Variants in CDH4 observed in about 807,000 individuals in gnomAD.
CDH4 encodes cadherin-4.
In CDH4, 33 loss-of-function variants were observed where a neutral mutation model predicts 86.0. That is an observed-to-expected ratio of 0.38 (90% CI 0.29 to 0.51). The LOEUF (loss-of-function observed/expected upper bound fraction) is 0.51. Ranked by LOEUF, CDH4 falls within the 20% of genes least tolerant of loss-of-function variation. The probability of loss-of-function intolerance (pLI) is 0.86; values close to 1 mark genes in which losing one functional copy is unlikely to be tolerated. For synonymous variants in CDH4, 555 were observed against 549.4 expected (o/e 1.01, Z -0.14); for missense variants, 1,114 against 1,307.4 (o/e 0.85, Z 2.28).
At chr20:61,330,828 T>C (rs1432118090) in intron 2 of CDH4, among the ~76,000 whole-genome samples, 1 of 152,198 alleles carries the variant, frequency 6.6e-6, no homozygotes, top group East Asian at 1.9e-4. Flanking sequence ...CTGCCTGGTT[T>C]CCTGCTCTGT....
intron 2 of CDH4, among the ~76,000 whole-genome samples, chr20:61,286,990 T>C (rs1239433998): frequency 6.6e-6 from 1 of 152,212 alleles, no homozygotes; most frequent in Non-Finnish European, 1.5e-5. Context: ...ATTTAATTTG[T>C]GGGACAGGTG....
intron 4 of CDH4, among the ~76,000 whole-genome samples, chr20:61,830,732 G>A (rs1001789213): frequency 4.6e-5 from 7 of 152,218 alleles, no homozygotes; most frequent in Admixed American, 3.3e-4. Flanking sequence ...CCTGCAGAGC[G>A]GCAGGAGCGG....
intron 9 of CDH4, among the ~76,000 whole-genome samples, chr20:61,915,833 C>T (rs1408304333): frequency 6.6e-6 from 1 of 152,180 alleles, no homozygotes; most frequent in East Asian, 1.9e-4. Context: ...TGCTTCCGTA[C>T]ACTTGTTAAC....
At chr20:61,407,482 G>A (rs1052239815) in intron 2 of CDH4, among the ~76,000 whole-genome samples, 2 of 152,142 alleles carry the variant, frequency 1.3e-5, no homozygotes, top group Admixed American at 6.5e-5. Context: ...AATCATTGTG[G>A]GTGAATACGT....
intron 2 of CDH4, among the ~76,000 whole-genome samples, chr20:61,346,730 C>T (rs994631094): frequency 2.4e-4 from 32 of 131,552 alleles, no homozygotes; most frequent in Non-Finnish European, 3.8e-4. Context: ...GGTGACAGAG[C>T]GAGACTCTGT....
intron 2 of CDH4, among the ~76,000 whole-genome samples, chr20:61,462,562 A>G (rs1256915970): frequency 7.9e-6 from 1 of 127,200 alleles, no homozygotes; most frequent in Non-Finnish European, 1.7e-5. Context: ...GCTTCCCACC[A>G]CTCACTCAGC....
chr20:61,666,041 G>A (rs1034637918), intron 2 of CDH4, among the ~76,000 whole-genome samples: 2 of 152,174 alleles, frequency 1.3e-5, no homozygotes, highest in Non-Finnish European at 2.9e-5. Context: ...ATACCATCCA[G>A]CCAGCCCCAC....
rs2084990968 is a variant in CDH4 at position 61,392,277 on chromosome 20, C to A, written c.169+137340C>A. On this transcript the variant is annotated intron_variant, in intron 2 of 15. Coordinates refer to ENST00000614565, the MANE Select transcript of CDH4 (RefSeq NM_001794.5). This position sits in a 1 kb window ranked among gnomAD's most constrained non-coding sequence, Gnocchi z 5.7. The stretch of plus-strand genomic sequence containing the variant: ...GAGGGACAGGAACCCGAGGCAGATC[C>A]TTCCACCAAACGAGTGTTTTGCTGT... Among the ~76,000 whole-genome samples, 2 of 152,116 alleles carry A rather than the reference C, an allele frequency of 1.3e-5. No homozygotes were observed. Among genetic ancestry groups the A allele is most frequent in the South Asian group, 4.2e-4 (2 of 4,776 alleles).
intron 5 of CDH4, among the ~76,000 whole-genome samples, chr20:61,850,377 C>A (rs1982656688): frequency 6.6e-6 from 1 of 152,232 alleles, no homozygotes; most frequent in South Asian, 2.1e-4. Context: ...TGAAGAAAGT[C>A]TCCAACACCT....
chr20:61,418,229 G>A (rs569141017), intron 2 of CDH4, among the ~76,000 whole-genome samples: 24 of 128,778 alleles, frequency 1.9e-4, no homozygotes, highest in Middle Eastern at 8.4e-3. Context: ...TTTTTTCCCT[G>A]AGACAGAGTC....
intron 2 of CDH4, among the ~76,000 whole-genome samples, chr20:61,594,548 G>A (rs557339866): frequency 1.3e-5 from 2 of 152,346 alleles, no homozygotes; most frequent in East Asian, 1.9e-4. Flanking sequence ...ACCTGGGAGG[G>A]TGAGTGGGGC....
chr20:61,730,139 T>C (rs540537836), intron 2 of CDH4, among the ~76,000 whole-genome samples: 13 of 152,176 alleles, frequency 8.5e-5, no homozygotes, highest in African/African-American at 2.6e-4. Flanking sequence ...AAAAATAACA[T>C]GTCAGTACCG....
chr20:61,739,576 G>T (rs748802569), intron 2 of CDH4, among the ~76,000 whole-genome samples: 1 of 152,232 alleles, frequency 6.6e-6, no homozygotes, highest in African/African-American at 2.4e-5. Context: ...AGCCAGCTCT[G>T]CCAGAAACCA....
At chr20:61,452,027 G>T (rs2085383638) in intron 2 of CDH4, among the ~76,000 whole-genome samples, 1 of 152,218 alleles carries the variant, frequency 6.6e-6, no homozygotes, top group Non-Finnish European at 1.5e-5. Flanking sequence ...TCAGAAAACG[G>T]CTGTGGCCCC....
chr20:61,396,714 C>T (rs373493276), intron 2 of CDH4, among the ~76,000 whole-genome samples: 1 of 152,122 alleles, frequency 6.6e-6, no homozygotes, highest in Non-Finnish European at 1.5e-5. Flanking sequence ...TGGGGCCCTG[C>T]GGAGGCCCCG....
intron 2 of CDH4, among the ~76,000 whole-genome samples, chr20:61,577,131 G>A (rs1342292497): frequency 6.6e-6 from 1 of 152,206 alleles, no homozygotes; most frequent in Non-Finnish European, 1.5e-5. Context: ...TGGATGTTGT[G>A]TGTGTTGAAG....
intron 2 of CDH4, among the ~76,000 whole-genome samples, chr20:61,448,735 G>A (rs930033881): frequency 6.6e-6 from 1 of 152,044 alleles, no homozygotes; most frequent in Non-Finnish European, 1.5e-5. Context: ...TTTTCCTCGC[G>A]TGCACGTGCA....
At chr20:61,566,531 T>G (rs910833041) in intron 2 of CDH4, among the ~76,000 whole-genome samples, 1 of 152,096 alleles carries the variant, frequency 6.6e-6, no homozygotes, top group Non-Finnish European at 1.5e-5. Context: ...TCCATGGAGA[T>G]TGACAGGCCC....
chr20:61,381,515 T>C (rs1175249496), intron 2 of CDH4, among the ~76,000 whole-genome samples: 1 of 152,116 alleles, frequency 6.6e-6, no homozygotes, highest in Non-Finnish European at 1.5e-5. Flanking sequence ...GGAAAGAACA[T>C]GTGACCCTTT....
Sources: gnomAD v4.1 joint callset for allele counts (sites outside exome capture counted in the v4.1 genomes callset) on GRCh38, gnomAD v4.1.1 for gene constraint, Gnocchi (gnomAD v3.1) non-coding constraint, MANE v1.5 for transcripts, NCBI Gene and HGNC (gene_info 2026-07-23, HGNC 2026-07-21) for gene names.